Variants in THSD7A observed in about 807,000 individuals in gnomAD.
THSD7A encodes the protein thrombospondin type 1 domain containing 7A.
THSD7A carries 96 observed loss-of-function variants against 231.3 expected under a neutral mutation model. The ratio of observed to expected loss-of-function variants is 0.41; its 90% CI spans 0.35 to 0.49. THSD7A has a LOEUF of 0.49. THSD7A is among the 20% of genes least tolerant of loss of function. THSD7A has a pLI of 0.05. For synonymous variants in THSD7A, 940 were observed against 743.3 expected (o/e 1.26, Z -4.30); for missense variants, 2,290 against 2,070.2 (o/e 1.11, Z -2.06).
intron 6 of THSD7A, among the ~76,000 whole-genome samples, chr7:11,507,480 G>A (rs983447971): frequency 5.3e-5 from 8 of 151,850 alleles, no homozygotes; most frequent in Non-Finnish European, 8.8e-5. Flanking sequence ...TTCTTCAAGT[G>A]TTTATACTGA....
At chr7:11,473,780 A>G (rs1786034929) in intron 8 of THSD7A, among the ~76,000 whole-genome samples, 1 of 152,188 alleles carries the variant, frequency 6.6e-6, no homozygotes, top group South Asian at 2.1e-4. Context: ...TAGTTTTTCT[A>G]CTTATAATAA....
At chr7:11,688,501 G>A (rs1162499308) in intron 1 of THSD7A, among the ~76,000 whole-genome samples, 1 of 151,802 alleles carries the variant, frequency 6.6e-6, no homozygotes, top group Non-Finnish European at 1.5e-5. Context: ...TGCCATGGGG[G>A]AACAAAAGGA....
intron 1 of THSD7A, among the ~76,000 whole-genome samples, chr7:11,775,896 AAATT>A (rs1364547925): frequency 1.3e-5 from 2 of 152,252 alleles, no homozygotes; most frequent in African/African-American, 2.4e-5. Flanking sequence ...AATATTCCAT[AAATT>A]AATTACTAAC....
At chr7:11,614,903 C>A (rs1020186246) in intron 2 of THSD7A, among the ~76,000 whole-genome samples, 1 of 151,992 alleles carries the variant, frequency 6.6e-6, no homozygotes, top group African/African-American at 2.4e-5. Context: ...ATATATTTTC[C>A]TTTGTAAAAA....
At chr7:11,541,336 A>T in intron 6 of THSD7A, 83 bp downstream of exon 6, 1 of 1,314,258 alleles carries the variant, frequency 7.6e-7, no homozygotes, top group Non-Finnish European at 1.1e-6. Context: ...ATAATGCGAG[A>T]AGACACAGGA....
chr7:11,773,551 A>C (rs913318868), intron 1 of THSD7A, among the ~76,000 whole-genome samples: 4 of 152,160 alleles, frequency 2.6e-5, no homozygotes, highest in African/African-American at 9.7e-5. Context: ...AAAAAAGAAT[A>C]ATACAATTAG....
chr7:11,618,741 T>C (rs943264685), intron 2 of THSD7A, among the ~76,000 whole-genome samples: 18 of 148,882 alleles, frequency 1.2e-4, no homozygotes, highest in Non-Finnish European at 2.4e-4. Context: ...TGAGCAGAGA[T>C]CGCGCCAACA....
intron 22 of THSD7A, among the ~76,000 whole-genome samples, chr7:11,402,816 A>G (rs910979106): frequency 5.3e-5 from 8 of 152,080 alleles, no homozygotes. Flanking sequence ...CATTCGTACA[A>G]CTTTCCATTG....
intron 1 of THSD7A, among the ~76,000 whole-genome samples, chr7:11,644,077 A>G (rs1350219235): frequency 6.6e-6 from 1 of 151,222 alleles, no homozygotes; most frequent in African/African-American, 2.4e-5. Context: ...TAATTCCTTT[A>G]CCTTCATTCT....
At chr7:11,721,977 C>T (rs373015263) in intron 1 of THSD7A, among the ~76,000 whole-genome samples, 10 of 151,928 alleles carry the variant, frequency 6.6e-5, no homozygotes, top group Non-Finnish European at 1.0e-4. Flanking sequence ...CTTTCCCTTG[C>T]TTCAAAACAT....
At chr7:11,428,123 T>C (rs1241691223) in intron 14 of THSD7A, among the ~76,000 whole-genome samples, 2 of 152,214 alleles carry the variant, frequency 1.3e-5, no homozygotes, top group African/African-American at 2.4e-5. Context: ...AATGAGTCTA[T>C]GTATGTATGA....
intron 23 of THSD7A, among the ~76,000 whole-genome samples, chr7:11,393,211 G>A (rs1178811329): frequency 1.3e-5 from 2 of 152,232 alleles, no homozygotes; most frequent in African/African-American, 4.8e-5. Flanking sequence ...AATCTTCGCT[G>A]TTCTGCAGCC....
chr7:11,568,982 G>C (rs1790501621), intron 4 of THSD7A, among the ~76,000 whole-genome samples: 2 of 83,488 alleles, frequency 2.4e-5, no homozygotes, highest in Admixed American at 2.6e-4. Flanking sequence ...GTTTACAATA[G>C]CTACAAAAAA....
chr7:11,414,477 T>G (rs1489859256), intron 17 of THSD7A, among the ~76,000 whole-genome samples: 1 of 152,164 alleles, frequency 6.6e-6, no homozygotes, highest in East Asian at 1.9e-4. Context: ...ACTGTTCCCT[T>G]TCCATTCCCT....
At chr7:11,504,069 T>A (rs922699800) in intron 6 of THSD7A, among the ~76,000 whole-genome samples, 6 of 152,078 alleles carry the variant, frequency 3.9e-5, no homozygotes, top group African/African-American at 1.2e-4. Flanking sequence ...TAAATTCCCA[T>A]CAATGACAGA....
chr7:11,563,999 G>A (rs993510906), intron 4 of THSD7A, among the ~76,000 whole-genome samples: 1 of 152,084 alleles, frequency 6.6e-6, no homozygotes, highest in Non-Finnish European at 1.5e-5. Flanking sequence ...AGCGGTCACT[G>A]TCTTTGGAAT....
chr7:11,700,433 A>T (rs1022963784), intron 1 of THSD7A, among the ~76,000 whole-genome samples: 1 of 151,250 alleles, frequency 6.6e-6, no homozygotes, highest in Admixed American at 6.6e-5. Flanking sequence ...CCACTTAATA[A>T]GAAAAAAGAT....
At chr7:11,509,597 C>T (rs1353009865) in intron 6 of THSD7A, among the ~76,000 whole-genome samples, 1 of 151,632 alleles carries the variant, frequency 6.6e-6, no homozygotes, top group African/African-American at 2.4e-5. Context: ...CTTTGGGAGG[C>T]CGAGGCGGGT....
intron 15 of THSD7A, 86 bp downstream of exon 15, chr7:11,426,580 G>T: frequency 1.5e-6 from 2 of 1,363,996 alleles, no homozygotes; most frequent in Non-Finnish European, 2.0e-6. Context: ...AAAAGACAAA[G>T]CAAGAAGAGA....
Sources: gnomAD v4.1 joint callset for allele counts (sites outside exome capture counted in the v4.1 genomes callset) on GRCh38, gnomAD v4.1.1 for gene constraint, MANE v1.5 for transcripts, NCBI Gene and HGNC (gene_info 2026-07-23, HGNC 2026-07-21) for gene names.